Variants in CASZ1 observed in about 807,000 individuals in gnomAD.
CASZ1 encodes zinc finger protein castor homolog 1.
In CASZ1, 28 loss-of-function variants were observed where a neutral mutation model predicts 135.2. That is an observed-to-expected ratio of 0.21 (90% CI 0.15 to 0.28). The LOEUF (loss-of-function observed/expected upper bound fraction) is 0.28. Among genes scored for constraint, CASZ1 ranks in the 10% least tolerant of loss-of-function variants. The probability of loss-of-function intolerance (pLI) is 1.00; values close to 1 mark genes in which losing one functional copy is unlikely to be tolerated. For missense variants in CASZ1, 2,161 were observed against 2,453.3 expected (o/e 0.88, Z 2.52); for synonymous variants, 1,068 against 1,073.4 (o/e 0.99, Z 0.10).
At chr1:10,660,725 A>G (rs1461127774) in intron 5 of CASZ1, 189 bp from the exon 6 acceptor site, 15 of 578,414 alleles carry the variant, frequency 2.6e-5, no homozygotes. Flanking sequence ...TTTAAAAAAA[A>G]GTAATTAATA....
Position 10,763,275 on chromosome 1 carries a change from C to T in CASZ1, c.-233-2418G>A, listed in dbSNP as rs187216190. Among the ~76,000 whole-genome samples, 219 of 152,300 alleles carry T rather than the reference C, an allele frequency of 1.4e-3. 8 individuals are homozygous for T. The South Asian group carries it at 0.043, about 30-fold the overall frequency. ...GTGAAGAAGTGAGAAGCTGAGTGAG[C>T]GTGCTTACAGAAATCACAACGGGCT... On this transcript the variant is annotated intron_variant, in intron 1 of 20. Coordinates refer to ENST00000377022, the MANE Select transcript of CASZ1 (RefSeq NM_001079843.3).
chr1:10,667,944 C>T (rs1019423642), intron 4 of CASZ1, among the ~76,000 whole-genome samples: 3 of 151,904 alleles, frequency 2.0e-5, no homozygotes, highest in African/African-American at 2.4e-5. Context: ...CCAGGACCCG[C>T]CCCCAGCCCC....
chr1:10,656,791 C>T (rs1478177401), intron 7 of CASZ1, 55 bp from the exon 8 acceptor site: 1 of 1,079,250 alleles, frequency 9.3e-7, no homozygotes, highest in Admixed American at 2.0e-5. Context: ...GTCCCAGCCC[C>T]AGCCCCAGCC....
Position 10,654,407 on chromosome 1 carries a change from G to T in CASZ1, c.1838+12C>A. On this transcript the variant is annotated intron_variant, in intron 10 of 20. Transcript: ENST00000377022. ...TTCTGCCCACGAAGGCCCCCACCAGGCTCCCGCTTACCTGCAGTGGAAGTG... is the reference window on the plus strand; with the variant it reads ...TTCTGCCCACGAAGGCCCCCACCAGTCTCCCGCTTACCTGCAGTGGAAGTG... The T allele has an allele frequency of 6.2e-7, 1 of 1,611,416 alleles. No individual in the cohort carries two copies. Among genetic ancestry groups the T allele is most frequent in the Non-Finnish European group, 8.5e-7 (1 of 1,178,160 alleles).
At position 10,756,567 on chromosome 1, in the gene CASZ1, A is replaced by G. The variant is rs1640261910; in HGVS notation, c.-77+4134T>C. Among the ~76,000 whole-genome samples, 5 of 152,342 alleles carry G rather than the reference A, an allele frequency of 3.3e-5. No individual in the cohort carries two copies. The South Asian group carries it at 1.0e-3, about 32-fold the overall frequency. On this transcript the variant is annotated intron_variant, in intron 2 of 20. Coordinates refer to ENST00000377022, the MANE Select transcript of CASZ1 (RefSeq NM_001079843.3). This position sits in a 1 kb window ranked among gnomAD's most constrained non-coding sequence, Gnocchi z 5.9. ...TCCAGGGGCGCTGGGGATCACTGCT[A>G]TCACAGCATCGATGCTGGGACTGCC...
At chr1:10,684,368 C>T (rs1325229439) in intron 4 of CASZ1, among the ~76,000 whole-genome samples, 7 of 152,038 alleles carry the variant, frequency 4.6e-5, no homozygotes, top group Admixed American at 3.3e-4. Context: ...GGGCGGGGAG[C>T]GGGGGACACG....
In CASZ1 at chr1:10,794,829, C is replaced by T. The variant is rs1570600663; in HGVS notation, c.-234+1735G>A. Among the ~76,000 whole-genome samples, 1 of 152,034 alleles carries T rather than the reference C, an allele frequency of 6.6e-6. No individual in the cohort carries two copies. Among genetic ancestry groups the T allele is most frequent in the Non-Finnish European group, 1.5e-5 (1 of 67,974 alleles). Reference sequence around the variant, plus strand: ...TACACCTGTTCCCTTCGCGGAGGAGCTTCCAGCGCCGGGGACAGACATTCG... The same window carrying T: ...TACACCTGTTCCCTTCGCGGAGGAGTTTCCAGCGCCGGGGACAGACATTCG... On this transcript the variant is annotated intron_variant, in intron 1 of 20. Transcript: ENST00000377022. The surrounding 1 kb of genome is among the most constrained non-coding windows in gnomAD (Gnocchi z 5.6).
rs747247544 is a variant in CASZ1, at chr1:10,639,334, G to C, written c.4888C>G (p.Leu1630Val). ...CCGGCGGCCGCCGACTGCAGGAAGAGCAGCGAGCCCGGCTCGGCGCCCAGC... is the reference window on the plus strand; with the variant it reads ...CCGGCGGCCGCCGACTGCAGGAAGACCAGCGAGCCCGGCTCGGCGCCCAGC... ...LSLGAEPGSLLFLQSAAAGLG... is the reference protein window; with the variant it reads ...LSLGAEPGSLVFLQSAAAGLG... The change falls in exon 21 of 21, where the codon CTC becomes GTC. Residue 1630 changes from leucine to valine, a missense_variant. Physicochemically the swap from Leu to Val is conservative, Grantham distance 32 (BLOSUM62 1). Around this residue, in one of 7 missense-constraint regions of CASZ1, gnomAD observed 240 missense variants for 321.4 expected, o/e 0.75. Transcript: ENST00000377022. The surrounding 1 kb of genome is among the most constrained non-coding windows in gnomAD (Gnocchi z 4.0). 3.4e-5 allele frequency: 50 copies of C among 1,491,148 alleles called. No homozygotes were observed. The highest frequency in any genetic ancestry group is 2.3e-5 in the Admixed American group (1 of 43,060). The allele number at this position is 1,491,148 out of a possible 1,614,324, so 92.4% of individuals were successfully genotyped here.
intron 1 of CASZ1, among the ~76,000 whole-genome samples, chr1:10,770,624 A>C (rs1045959147): frequency 7.2e-5 from 11 of 152,090 alleles, no homozygotes; most frequent in African/African-American, 2.2e-4. Flanking sequence ...CCCACTGCCC[A>C]GATGCCCTGC....
At chr1:10,795,323 C>T (rs905058789) in intron 1 of CASZ1, among the ~76,000 whole-genome samples, 3 of 152,188 alleles carry the variant, frequency 2.0e-5, no homozygotes, top group African/African-American at 7.2e-5. Context: ...CTTTGGTGTT[C>T]CCTGCGCCCC....
chr1:10,727,198 C>T lies in CASZ1; in HGVS notation c.-76-21654G>A, dbSNP rs1248448634. On this transcript the variant is annotated intron_variant, in intron 2 of 20. Transcript: ENST00000377022. This position sits in a 1 kb window ranked among gnomAD's most constrained non-coding sequence, Gnocchi z 5.3. ...GTGGCCAGGGGTAGGGAGAGGCCCG[C>T]GACCGTCCCAGGCCTGTGGGAAGCT... Among the ~76,000 whole-genome samples the T allele has an allele frequency of 5.3e-5, 8 of 152,076 alleles. No individual in the cohort carries two copies. In the South Asian group the frequency reaches 6.2e-4, roughly 12 times the overall value.
intron 1 of CASZ1, among the ~76,000 whole-genome samples, chr1:10,771,628 A>G (rs1027013299): frequency 8.6e-5 from 13 of 151,780 alleles, no homozygotes; most frequent in African/African-American, 3.1e-4. Context: ...CCAGTAAACA[A>G]GTTTTTCTAA....
At chr1:10,640,963 C>T (rs1324222641) in intron 20 of CASZ1, among the ~76,000 whole-genome samples, 1 of 152,218 alleles carries the variant, frequency 6.6e-6, no homozygotes, top group East Asian at 1.9e-4. Context: ...AGTCCTGGCT[C>T]CCCACGCCAC....
At chr1:10,713,781 G>A (rs562668285) in intron 2 of CASZ1, among the ~76,000 whole-genome samples, 1 of 152,368 alleles carries the variant, frequency 6.6e-6, no homozygotes, top group South Asian at 2.1e-4. Context: ...CCTCTCACAT[G>A]CTTGAGCCAG....
chr1:10,724,207 A>G lies in CASZ1; in HGVS notation c.-76-18663T>C, dbSNP rs913511776. 3.9e-5 allele frequency among the ~76,000 whole-genome samples: 6 copies of G among 152,208 alleles called. No individual in the cohort carries two copies. Among genetic ancestry groups the G allele is most frequent in the Admixed American group, 3.9e-4 (6 of 15,274 alleles). On this transcript the variant is annotated intron_variant, in intron 2 of 20. Transcript: ENST00000377022. The surrounding 1 kb of genome is among the most constrained non-coding windows in gnomAD (Gnocchi z 4.1). ...GATCCACAGGGTGAGAGCAAAGGCCACGTGGTCAGAGCCGGGCTATAAATA... is the reference window on the plus strand; with the variant it reads ...GATCCACAGGGTGAGAGCAAAGGCCGCGTGGTCAGAGCCGGGCTATAAATA...
chr1:10,678,636 A>G (rs1638313103), intron 4 of CASZ1, among the ~76,000 whole-genome samples: 1 of 151,990 alleles, frequency 6.6e-6, no homozygotes, highest in Non-Finnish European at 1.5e-5. Context: ...GAAAGCTGAC[A>G]ATTTCTGACC....
Position 10,706,821 on chromosome 1 carries a change from T to G in CASZ1, c.-76-1277A>C, listed in dbSNP as rs1271120262. Among the ~76,000 whole-genome samples the G allele has an allele frequency of 1.3e-5, 2 of 151,854 alleles. No individual in the cohort carries two copies. The highest frequency in any genetic ancestry group is 4.8e-5 in the African/African-American group (2 of 41,296). On this transcript the variant is annotated intron_variant, in intron 2 of 20. Transcript: ENST00000377022. The surrounding 1 kb of genome is among the most constrained non-coding windows in gnomAD (Gnocchi z 4.3). ...GAAGTGCTGCCCCACGGGCCTCTGA[T>G]GCCCATCTCATCCAGATGATGAGAG...
intron 1 of CASZ1, among the ~76,000 whole-genome samples, chr1:10,784,323 G>A (rs1228080668): frequency 2.6e-5 from 4 of 152,184 alleles, no homozygotes; most frequent in Admixed American, 6.5e-5. Flanking sequence ...AGCATCCCTC[G>A]GAGGGAAGCT....
intron 2 of CASZ1, among the ~76,000 whole-genome samples, chr1:10,737,441 C>T (rs1639822009): frequency 1.3e-5 from 2 of 152,364 alleles, no homozygotes; most frequent in South Asian, 2.1e-4. Context: ...CCAGACCTCA[C>T]GTCCTGGCTG....
Sources: gnomAD v4.1 joint callset for allele counts (sites outside exome capture counted in the v4.1 genomes callset) on GRCh38, gnomAD v4.1.1 for gene constraint, gnomAD v4.1.1 regional missense constraint, Gnocchi (gnomAD v3.1) non-coding constraint, MANE v1.5 for transcripts, NCBI Gene and HGNC (gene_info 2026-07-23, HGNC 2026-07-21) for gene names.